KANSL1L: variants seen among roughly 807,000 people sequenced by gnomAD.
KANSL1L encodes KAT8 regulatory NSL complex subunit 1-like protein.
In KANSL1L, 25 loss-of-function variants were observed where a neutral mutation model predicts 108.6. That is an observed-to-expected ratio of 0.23 (90% CI 0.17 to 0.32). The LOEUF is 0.32. Among genes scored for constraint, KANSL1L ranks in the 10% least tolerant of loss-of-function variants. The pLI is 1.00. For synonymous variants in KANSL1L, 405 were observed against 395.1 expected (o/e 1.03, Z -0.30); for missense variants, 1,137 against 1,125.7 (o/e 1.01, Z -0.14).
At chr2:210,075,459 G>A (rs1425223449) in intron 6 of KANSL1L, 93 bp downstream of exon 6, 3 of 777,184 alleles carry the variant, frequency 3.9e-6, no homozygotes, top group Admixed American at 5.0e-5. Context: ...TTCAAAATAA[G>A]TGTTATGCTA....
At chr2:210,162,080 T>C (rs1575646984) in intron 1 of KANSL1L, among the ~76,000 whole-genome samples, 2 of 147,940 alleles carry the variant, frequency 1.4e-5, no homozygotes, top group Middle Eastern at 7.1e-3. Flanking sequence ...AAAAAAAATA[T>C]ATATATATAC....
intron 2 of KANSL1L, chr2:210,151,952 A>T (rs1415489577): frequency 1.3e-5 from 2 of 152,124 alleles, no homozygotes; most frequent in African/African-American, 4.8e-5. Context: ...TGTAATTCTC[A>T]TTTATTTTTG....
intron 5 of KANSL1L, among the ~76,000 whole-genome samples, chr2:210,090,102 C>A (rs1312075991): frequency 6.6e-6 from 1 of 152,166 alleles, no homozygotes; most frequent in African/African-American, 2.4e-5. Flanking sequence ...AAGACTATAT[C>A]TAAAAGTTTA....
Position 210,025,127 on chromosome 2 carries a change from G to A in KANSL1L, c.2541C>T (p.Ser847=). 1 of 1,611,466 alleles carries A rather than the reference G, an allele frequency of 6.2e-7. No individual in the cohort carries two copies. The highest frequency in any genetic ancestry group is 8.5e-7 in the Non-Finnish European group (1 of 1,177,658). ...EQARWSLWEQ[S]KWHRRNSRAY... ...GCCTGCTGTTTCTTCTGTGCCACTT[G>A]CTTTGCTCCCATAGTGACCACCTGG... Residue 847 remains serine, a synonymous_variant, in exon 13 of 15, where the codon AGC becomes AGT. Transcript: ENST00000281772.
At chr2:210,145,960 T>C (rs1575613254) in intron 2 of KANSL1L, among the ~76,000 whole-genome samples, 2 of 151,724 alleles carry the variant, frequency 1.3e-5, no homozygotes, top group South Asian at 4.2e-4. Context: ...AGGGTGGTGG[T>C]CCCAGTCCTG....
intron 1 of KANSL1L, among the ~76,000 whole-genome samples, chr2:210,163,971 A>G (rs541186643): frequency 2.6e-5 from 4 of 152,236 alleles, no homozygotes; most frequent in South Asian, 4.1e-4. Flanking sequence ...CATGAGATAT[A>G]TTTTATTGTG....
At chr2:210,057,885 G>T (rs367551775) in intron 6 of KANSL1L, among the ~76,000 whole-genome samples, 1 of 152,108 alleles carries the variant, frequency 6.6e-6, no homozygotes, top group African/African-American at 2.4e-5. Flanking sequence ...ATCTTCGTAA[G>T]CTGAGGAGGA....
At chr2:210,115,469 A>C (rs944683490) in intron 3 of KANSL1L, among the ~76,000 whole-genome samples, 1 of 152,208 alleles carries the variant, frequency 6.6e-6, no homozygotes, top group African/African-American at 2.4e-5. Flanking sequence ...ACTATAACCC[A>C]AGGAGTAAGA....
At chr2:210,169,188 G>T (rs1420528752) in intron 1 of KANSL1L, among the ~76,000 whole-genome samples, 1 of 151,998 alleles carries the variant, frequency 6.6e-6, no homozygotes, top group Non-Finnish European at 1.5e-5. Flanking sequence ...AGACTCTTTG[G>T]CCCAGTAATT....
intron 1 of KANSL1L, among the ~76,000 whole-genome samples, chr2:210,168,059 A>G (rs1221632443): frequency 6.6e-6 from 1 of 152,128 alleles, no homozygotes; most frequent in Non-Finnish European, 1.5e-5. Flanking sequence ...GATTGTATTT[A>G]TGATTCAGGG....
chr2:210,039,742 C>A (rs2125175803), intron 8 of KANSL1L, among the ~76,000 whole-genome samples: 1 of 151,756 alleles, frequency 6.6e-6, no homozygotes, highest in South Asian at 2.1e-4. Flanking sequence ...ATGTACAATT[C>A]TTGGAATTAA....
intron 1 of KANSL1L, among the ~76,000 whole-genome samples, chr2:210,169,681 A>C (rs1688211254): frequency 1.3e-5 from 2 of 152,256 alleles, no homozygotes; most frequent in African/African-American, 4.8e-5. Flanking sequence ...GGGAGAGAAT[A>C]ATCTATGTAG....
At chr2:210,056,804 T>G in intron 6 of KANSL1L, among the ~76,000 whole-genome samples, 1 of 152,152 alleles carries the variant, frequency 6.6e-6, no homozygotes, top group East Asian at 1.9e-4. Context: ...TCAAATGTAT[T>G]TTCTTATTTA....
chr2:210,153,572 C>G lies in KANSL1L; in HGVS notation c.1011G>C (p.Glu337Asp), dbSNP rs372949762. The change falls in exon 2 of 15, where the codon GAG (glutamate) becomes GAC (aspartate). Residue 337 changes from glutamate (E) to aspartate (D), a missense_variant. Transcript: ENST00000281772. The stretch of plus-strand genomic sequence containing the variant: ...TATCAGTTGCATCGGAATCCAAACC[C>G]TCTTCAACATGAGACAACAGCCCTG... ...SATGLLSHVE[E>D]GLDSDATDSS... The G allele has an allele frequency of 1.2e-6, 2 of 1,614,104 alleles. No homozygotes were observed. Among genetic ancestry groups the G allele is most frequent in the Non-Finnish European group, 1.7e-6 (2 of 1,179,998 alleles).
chr2:210,063,509 A>G, intron 6 of KANSL1L, among the ~76,000 whole-genome samples: 1 of 152,372 alleles, frequency 6.6e-6, no homozygotes, highest in Non-Finnish European at 1.5e-5. Context: ...CTGTGAAAGC[A>G]GCCAGGAAGG....
intron 4 of KANSL1L, among the ~76,000 whole-genome samples, chr2:210,099,928 CTG>C (rs985254839): frequency 1.5e-4 from 23 of 152,274 alleles, no homozygotes; most frequent in African/African-American, 5.5e-4. Flanking sequence ...AACTAATCAA[CTG>C]TAAGTTAAAA....
In KANSL1L at chr2:210,073,974, C is replaced by G. The variant is rs1012404011; in HGVS notation, c.1755+1578G>C. On this transcript the variant is annotated intron_variant, in intron 6 of 14. Coordinates refer to ENST00000281772, the MANE Select transcript of KANSL1L (RefSeq NM_152519.4). ...CAGCCCCTATTCTCTGAAAACATAA[C>G]ACACTTTTTTCTGAAAAGTCAGAAA... Among the ~76,000 whole-genome samples, 4 of 152,248 alleles carry G rather than the reference C, an allele frequency of 2.6e-5. No individual in the cohort carries two copies. The East Asian group carries it at 7.7e-4, about 29-fold the overall frequency.
chr2:210,027,259 A>T (rs771949471), intron 12 of KANSL1L, 37 bp downstream of exon 12: 2 of 1,357,010 alleles, frequency 1.5e-6, no homozygotes, highest in Non-Finnish European at 2.1e-6. Context: ...CATAATACAT[A>T]ATGTGCAATT....
chr2:210,062,156 G>T (rs1364152247), intron 6 of KANSL1L, among the ~76,000 whole-genome samples: 1 of 152,132 alleles, frequency 6.6e-6, no homozygotes, highest in Non-Finnish European at 1.5e-5. Context: ...TCATGGGGGT[G>T]GGTCTTTCCT....
Sources: allele counts gnomAD v4.1 joint callset (sites outside exome capture counted in the v4.1 genomes callset), GRCh38; gene constraint gnomAD v4.1.1; transcripts MANE v1.5; gene names NCBI Gene and HGNC (gene_info 2026-07-23, HGNC 2026-07-21).